The following ATM variants were observed in gnomAD, a reference collection of about 807,000 sequenced individuals.
ATM encodes the protein ATM serine/threonine kinase.
In ATM, 308 loss-of-function variants were observed where a neutral mutation model predicts 387.0. The ratio of observed to expected loss-of-function variants is 0.80; its 90% CI spans 0.73 to 0.87. The LOEUF (loss-of-function observed/expected upper bound fraction) is 0.87, where lower values mean the gene tolerates loss of function less well. Ranked by LOEUF, ATM falls within the 40% of genes least tolerant of loss-of-function variation. The pLI is 0.00. For missense variants in ATM, 3,312 were observed against 3,560.9 expected (o/e 0.93, Z 1.78); for synonymous variants, 1,156 against 1,187.3 (o/e 0.97, Z 0.54).
rs1429613361 is a variant in ATM at position 108,229,299 on chromosome 11, T to A, written c.307T>A (p.Tyr103Asn). ...GCAGGAAATCAGTAGTTTGGTCAAA[T>A]ACTTCATCAAATGTGCAAACAGAAG... ...KMQEISSLVK[Y>N]FIKCANRRAP... is the part of the protein sequence containing the mutation. The change falls in exon 4 of 63, where the codon TAC becomes AAC. Residue 103 changes from tyrosine to asparagine, a missense_variant. Physicochemically the swap from Tyr to Asn is moderately radical, Grantham distance 143. Coordinates refer to ENST00000675843, the MANE Select transcript of ATM (RefSeq NM_000051.4). 1 of 1,613,034 alleles carries A rather than the reference T, an allele frequency of 6.2e-7. No individual in the cohort carries two copies.
chr11:108,359,866 C>A (rs1285960464), intron 61 of ATM, among the ~76,000 whole-genome samples: 1 of 151,974 alleles, frequency 6.6e-6, no homozygotes, highest in Non-Finnish European at 1.5e-5. Flanking sequence ...AACTGACACC[C>A]TAACATCACA....
At chr11:108,285,858 A>G (rs1462818330) in intron 26 of ATM, among the ~76,000 whole-genome samples, 1 of 152,212 alleles carries the variant, frequency 6.6e-6, no homozygotes, top group Non-Finnish European at 1.5e-5. Context: ...TCTTCTGAGC[A>G]TTCTTAATCT....
chr11:108,331,729 C>A, intron 51 of ATM, 150 bp from the exon 52 acceptor site: 1 of 1,265,946 alleles, frequency 7.9e-7, no homozygotes, highest in Non-Finnish European at 1.1e-6. Flanking sequence ...TCCTCATAGG[C>A]CTCTGCCTTT....
chr11:108,318,278 C>G (rs556850151), intron 43 of ATM, among the ~76,000 whole-genome samples: 1 of 151,902 alleles, frequency 6.6e-6, no homozygotes, highest in East Asian at 1.9e-4. Context: ...AGGAGAATTG[C>G]TAGAACACGG....
chr11:108,348,920 C>T (rs536607790), intron 59 of ATM, among the ~76,000 whole-genome samples: 27 of 152,066 alleles, frequency 1.8e-4, no homozygotes, highest in African/African-American at 5.3e-4. Flanking sequence ...GGTTACTAAC[C>T]ACATCATCAC....
At chr11:108,261,588 A>G (rs1372324403) in intron 16 of ATM, among the ~76,000 whole-genome samples, 1 of 152,160 alleles carries the variant, frequency 6.6e-6, no homozygotes, top group Non-Finnish European at 1.5e-5. Context: ...CTCCTCCACC[A>G]AAGGAACGCA....
intron 22 of ATM, among the ~76,000 whole-genome samples, chr11:108,277,078 C>A (rs1269667044): frequency 6.6e-6 from 1 of 152,100 alleles, no homozygotes; most frequent in African/African-American, 2.4e-5. Context: ...GAGGAGGAAT[C>A]TAGAGAGGCA....
At chr11:108,253,468 C>T (rs917120627) in intron 12 of ATM, among the ~76,000 whole-genome samples, 7 of 150,212 alleles carry the variant, frequency 4.7e-5, no homozygotes. Flanking sequence ...ATGCTCTTTA[C>T]TTCCTCTGCT....
rs56887719 is a variant in ATM, at chr11:108,353,814, C to G, written c.8720C>G (p.Pro2907Arg). 6.2e-7 allele frequency: 1 copy of G among 1,614,042 alleles called. No individual in the cohort carries two copies. Among genetic ancestry groups the G allele is most frequent in the Non-Finnish European group, 8.5e-7 (1 of 1,179,996 alleles). ...GKILPTPETV[P>R]FRLTRDIVDG... ...ATCCTTCCTACTCCTGAGACAGTTC[C>G]TTTTAGACTCACCAGAGATATTGTG... The change falls in exon 60 of 63, where the codon CCT (proline) becomes CGT (arginine). Residue 2907 changes from proline (P) to arginine (R), a missense_variant. Around this residue, in one of 4 missense-constraint regions of ATM, gnomAD observed 1,405 missense variants for 1,604.4 expected, o/e 0.88. Transcript: ENST00000675843.
At position 108,302,956 on chromosome 11, in the gene ATM, C is replaced by T. The variant is rs1387100443; in HGVS notation, c.5423C>T (p.Thr1808Ile). The T allele has an allele frequency of 6.2e-7, 1 of 1,613,462 alleles. No individual in the cohort carries two copies. Among genetic ancestry groups the T allele is most frequent in the East Asian group, 2.2e-5 (1 of 44,822 alleles). Reference sequence around the variant, plus strand: ...GAAAATCATGACATTTGGATAAAGACACTGACTTGTGCTTTTTTGGACAGT... The same window carrying T: ...GAAAATCATGACATTTGGATAAAGATACTGACTTGTGCTTTTTTGGACAGT... Reference protein sequence around the residue: ...LSENHDIWIKTLTCAFLDSGG... With the variant: ...LSENHDIWIKILTCAFLDSGG... Residue 1808 changes from threonine to isoleucine, a missense_variant, in exon 36 of 63, where the codon ACA (threonine) becomes ATA (isoleucine). This residue lies in a region of ATM where 1,405 missense variants were observed against 1,604.4 expected (regional missense o/e 0.88). Transcript: ENST00000675843.
At chr11:108,260,030 CTTTTTTTTTT>C (rs754362678) in intron 16 of ATM, among the ~76,000 whole-genome samples, 92 of 94,596 alleles carry the variant, frequency 9.7e-4, no homozygotes, top group African/African-American at 3.4e-3. Flanking sequence ...CTTATCTGCT[CTTTTTTTTTT>C]TTTTTTTTTT....
At chr11:108,311,220 CCACCT>C (rs1157343193) in intron 39 of ATM, among the ~76,000 whole-genome samples, 8 of 152,100 alleles carry the variant, frequency 5.3e-5, no homozygotes, top group Admixed American at 1.3e-4. Flanking sequence ...AGCAGTCCTC[CCACCT>C]CAGCCTTTCA....
At chr11:108,314,320 G>A (rs538187137) in intron 40 of ATM, among the ~76,000 whole-genome samples, 1 of 152,184 alleles carries the variant, frequency 6.6e-6, no homozygotes, top group Non-Finnish European at 1.5e-5. Flanking sequence ...TGCCCAGGCC[G>A]ATCTTGAATT....
chr11:108,245,013 A>C lies in ATM; in HGVS notation c.888A>C (p.Lys296Asn), dbSNP rs1023530965. Residue 296 changes from lysine (K) to asparagine (N), a missense_variant, in exon 7 of 63, where the codon AAA becomes AAC. Lys to Asn is a moderately conservative substitution (Grantham distance 94). Transcript: ENST00000675843. ...QIYIHHPKGAKTQEKGAYEST... is the reference protein window; with the variant it reads ...QIYIHHPKGANTQEKGAYEST... ...ATATCCATCATCCGAAAGGAGCCAA[A>C]ACCCAAGAAAAAGGTATAAAGGAAA... is the stretch of plus-strand genomic sequence containing the variant. 2 of 1,607,386 alleles carry C rather than the reference A, an allele frequency of 1.2e-6. No homozygotes were observed. The highest frequency in any genetic ancestry group is 1.7e-6 in the Non-Finnish European group (2 of 1,177,070).
chr11:108,341,387 T>C (rs116712378), intron 56 of ATM, among the ~76,000 whole-genome samples: 1,878 of 152,230 alleles, frequency 0.012, 47 homozygotes, highest in African/African-American at 0.042. Flanking sequence ...CTTATACTTA[T>C]TATCTAATAT....
At chr11:108,335,150 T>G in intron 55 of ATM, 41 bp downstream of exon 55, 1 of 1,613,170 alleles carries the variant, frequency 6.2e-7, no homozygotes, top group South Asian at 1.1e-5. Flanking sequence ...AGAGTTTTAG[T>G]GATGAAAATT....
chr11:108,319,827 T>C, intron 43 of ATM, 127 bp from the exon 44 acceptor site: 1 of 690,734 alleles, frequency 1.4e-6, no homozygotes, highest in South Asian at 1.9e-5. Context: ...CCAAAAATTC[T>C]AGAAATGCAT....
At chr11:108,247,184 C>G (rs2135271406) in intron 8 of ATM, 57 bp downstream of exon 8, 1 of 1,589,064 alleles carries the variant, frequency 6.3e-7, no homozygotes, top group Non-Finnish European at 8.6e-7. Flanking sequence ...TTTTTTTAAA[C>G]TGGGCATTTT....
At position 108,259,355 on chromosome 11, in the gene ATM, G is replaced by A. The variant is rs149134291; in HGVS notation, c.2466+280G>A. Among the ~76,000 whole-genome samples, 386 of 152,252 alleles carry A rather than the reference G, an allele frequency of 2.5e-3. 1 individual carries two copies. The highest frequency in any genetic ancestry group is 8.7e-3 in the African/African-American group (360 of 41,538). ...ATACTAAAAATTAGCCAGGCGTGGT[G>A]ACATGTGCCTGTAGTCCCAGCTACT... On this transcript the variant is annotated intron_variant, in intron 16 of 62. Transcript: ENST00000675843.
Sources: allele counts gnomAD v4.1 joint callset (sites outside exome capture counted in the v4.1 genomes callset), GRCh38; gene constraint gnomAD v4.1.1; regional missense constraint gnomAD v4.1.1; transcripts MANE v1.5; gene names NCBI Gene and HGNC (gene_info 2026-07-23, HGNC 2026-07-21).